The following CDCA7L variants were observed in gnomAD, a reference collection of about 807,000 sequenced individuals.
The protein encoded by CDCA7L is cell division cycle-associated 7-like protein.
A neutral mutation model predicts 57.4 loss-of-function variants in CDCA7L; 44 were observed. That is an observed-to-expected ratio of 0.77 (90% CI 0.60 to 0.98). The LOEUF (loss-of-function observed/expected upper bound fraction) is 0.98, where lower values mean the gene tolerates loss of function less well. Ranked by LOEUF, CDCA7L falls within the 50% of genes least tolerant of loss-of-function variation. CDCA7L has a pLI of 0.00. For synonymous variants in CDCA7L, 236 were observed against 202.8 expected (o/e 1.16, Z -1.39); for missense variants, 644 against 580.6 (o/e 1.11, Z -1.12).
chr7:21,922,813 T>A (rs545394944), intron 1 of CDCA7L, among the ~76,000 whole-genome samples: 1 of 152,282 alleles, frequency 6.6e-6, no homozygotes, highest in East Asian at 1.9e-4. Context: ...GACATACATA[T>A]AATTGAATAT....
chr7:21,925,985 T>A (rs778213887), intron 1 of CDCA7L, among the ~76,000 whole-genome samples: 3 of 152,154 alleles, frequency 2.0e-5, no homozygotes, highest in Non-Finnish European at 4.4e-5. Context: ...ACACCTGTAG[T>A]CCCAGCTACT....
chr7:21,908,544 T>A (rs746675295), intron 3 of CDCA7L, 37 bp from the exon 4 acceptor site: 3 of 1,436,970 alleles, frequency 2.1e-6, no homozygotes, highest in Non-Finnish European at 2.7e-6. Flanking sequence ...ACAAAGACAC[T>A]GTTACAGACC....
Position 21,906,410 on chromosome 7 carries a change from C to T in CDCA7L, c.800G>A (p.Arg267Gln), listed in dbSNP as rs762805490. The change falls in exon 6 of 10, where the codon CGG becomes CAG. Residue 267 changes from arginine (R) to glutamine (Q), a missense_variant. Arg to Gln is a conservative substitution (Grantham distance 43, BLOSUM62 1). Coordinates refer to ENST00000406877, the MANE Select transcript of CDCA7L (RefSeq NM_018719.5). ...RRAFSEGQIT[R>Q]RMNPTRSARP... The stretch of plus-strand genomic sequence containing the variant: ...CGCACTCCGGGTTGGGTTCATACGC[C>T]GCGTGATCTGTCCCTCCGAGAAGGC... 5 of 1,612,714 alleles carry T rather than the reference C, an allele frequency of 3.1e-6. No homozygotes were observed. In the Admixed American group the frequency reaches 5.0e-5, roughly 16 times the overall value.
intron 1 of CDCA7L, among the ~76,000 whole-genome samples, chr7:21,935,069 A>T (rs920841732): frequency 3.3e-5 from 5 of 152,144 alleles, no homozygotes; most frequent in Non-Finnish European, 5.9e-5. Flanking sequence ...AACTAATAGC[A>T]CTCAACCCAA....
intron 2 of CDCA7L, among the ~76,000 whole-genome samples, chr7:21,916,301 A>G (rs1388301457): frequency 6.6e-6 from 1 of 152,114 alleles, no homozygotes; most frequent in Non-Finnish European, 1.5e-5. Context: ...AATTAACGCA[A>G]GAATAAGGCT....
rs372192558 is a variant in CDCA7L, at chr7:21,918,263, A to G, written c.25-1369T>C. 7.9e-5 allele frequency among the ~76,000 whole-genome samples: 12 copies of G among 152,334 alleles called. No homozygotes were observed. The East Asian group carries it at 9.6e-4, about 12-fold the overall frequency. On this transcript the variant is annotated intron_variant, in intron 1 of 9. Transcript: ENST00000406877. ...TGGGAAGATATTGTAATGAGCACAC[A>G]TTGATCCTCCCCGTAATTATCTGCC...
intron 1 of CDCA7L, among the ~76,000 whole-genome samples, chr7:21,923,878 A>AGGT (rs967444004): frequency 2.6e-5 from 4 of 152,252 alleles, no homozygotes; most frequent in African/African-American, 9.6e-5. Context: ...CTCGTTGAGT[A>AGGT]GGTGCCTTTC....
chr7:21,945,659 C>T (rs1786502046), intron 1 of CDCA7L, 122 bp downstream of exon 1: 2 of 1,262,502 alleles, frequency 1.6e-6, no homozygotes, highest in Non-Finnish European at 2.2e-6. Context: ...CGGCTGGGCG[C>T]GCCAGATCCC....
intron 6 of CDCA7L, 97 bp downstream of exon 6, chr7:21,906,192 G>A: frequency 8.3e-7 from 1 of 1,204,234 alleles, no homozygotes; most frequent in Non-Finnish European, 1.2e-6. Context: ...CAGACCCACG[G>A]GGTCAGAACC....
intron 3 of CDCA7L, 148 bp downstream of exon 3, chr7:21,911,469 C>A: frequency 1.1e-6 from 1 of 917,634 alleles, no homozygotes; most frequent in South Asian, 1.9e-5. Flanking sequence ...CTTCCAGGAG[C>A]AATTTTTTTA....
chr7:21,916,744 T>A lies in CDCA7L; in HGVS notation c.165+10A>T. The A allele has an allele frequency of 6.2e-7, 1 of 1,612,866 alleles. No individual in the cohort carries two copies. The highest frequency in any genetic ancestry group is 8.5e-7 in the Non-Finnish European group (1 of 1,179,090). ...GATGAACACATCTGCTTGGAAGGAA[T>A]CATCCATACCTGTTTCCCTGACTCT... is the stretch of plus-strand genomic sequence containing the variant. On this transcript the variant is annotated intron_variant, in intron 2 of 9. Transcript: ENST00000406877.
At chr7:21,904,310 A>C in intron 7 of CDCA7L, 51 bp from the exon 8 acceptor site, 3 of 1,511,942 alleles carry the variant, frequency 2.0e-6, no homozygotes, top group Non-Finnish European at 2.7e-6. Context: ...GCTGATGCCC[A>C]ATGAGGCCAG....
intron 3 of CDCA7L, among the ~76,000 whole-genome samples, chr7:21,911,006 ATTTTTTTTTTTTTTTTTTTTT>A (rs557286550): frequency 3.2e-4 from 26 of 82,534 alleles, no homozygotes; most frequent in Middle Eastern, 8.1e-3. Flanking sequence ...TCTTGAGATA[ATTTTTTTTTTTTTTTTTTTTT>A]TTTTTTTTTT....
At chr7:21,931,785 A>G (rs542023163) in intron 1 of CDCA7L, among the ~76,000 whole-genome samples, 2 of 152,360 alleles carry the variant, frequency 1.3e-5, no homozygotes, top group South Asian at 4.1e-4. Context: ...TGAGCATGGA[A>G]TATTTTTCCA....
At chr7:21,932,733 T>C (rs964266837) in intron 1 of CDCA7L, among the ~76,000 whole-genome samples, 3 of 152,116 alleles carry the variant, frequency 2.0e-5, no homozygotes, top group Non-Finnish European at 2.9e-5. Flanking sequence ...ATTCAGGACA[T>C]AGGCAGGGGC....
At chr7:21,922,942 A>T (rs1211478070) in intron 1 of CDCA7L, among the ~76,000 whole-genome samples, 1 of 152,218 alleles carries the variant, frequency 6.6e-6, no homozygotes, top group Non-Finnish European at 1.5e-5. Context: ...GTATGATTCT[A>T]CTTATAACAG....
chr7:21,934,271 A>T (rs1004869374), intron 1 of CDCA7L, among the ~76,000 whole-genome samples: 2 of 152,190 alleles, frequency 1.3e-5, no homozygotes, highest in East Asian at 1.9e-4. Context: ...CCTGATCTCA[A>T]TTACATAAAA....
At chr7:21,916,995 C>T in intron 1 of CDCA7L, 101 bp from the exon 2 acceptor site, 1 of 1,387,576 alleles carries the variant, frequency 7.2e-7, no homozygotes, top group Admixed American at 1.8e-5. Flanking sequence ...CTTCATCCAA[C>T]TGCCACGGTT....
chr7:21,944,309 G>A (rs972912770), intron 1 of CDCA7L, among the ~76,000 whole-genome samples: 1 of 151,270 alleles, frequency 6.6e-6, no homozygotes, highest in Non-Finnish European at 1.5e-5. Flanking sequence ...AAATTAGACA[G>A]GCGTGGTGGC....
Sources: allele counts gnomAD v4.1 joint callset (sites outside exome capture counted in the v4.1 genomes callset), GRCh38; gene constraint gnomAD v4.1.1; transcripts MANE v1.5; gene names NCBI Gene and HGNC (gene_info 2026-07-23, HGNC 2026-07-21).